The following SEMA6D variants were observed in gnomAD, a reference collection of about 807,000 sequenced individuals.
The protein encoded by SEMA6D is semaphorin-6D.
A neutral mutation model predicts 106.6 loss-of-function variants in SEMA6D; 35 were observed. The ratio of observed to expected loss-of-function variants is 0.33; its 90% CI spans 0.25 to 0.44. The LOEUF (loss-of-function observed/expected upper bound fraction) is 0.44, where lower values mean the gene tolerates loss of function less well. SEMA6D is among the 20% of genes least tolerant of loss of function. The probability of loss-of-function intolerance (pLI) is 1.00; values close to 1 mark genes in which losing one functional copy is unlikely to be tolerated. For synonymous variants in SEMA6D, 499 were observed against 487.7 expected, an observed-to-expected ratio of 1.02 and a Z score of -0.31; for missense variants, 1,185 against 1,345.9, an observed-to-expected ratio of 0.88 and a Z score of 1.87.
At chr15:47,245,809 C>A (rs1482125267) in intron 1 of SEMA6D, among the ~76,000 whole-genome samples, 1 of 151,788 alleles carries the variant, frequency 6.6e-6, no homozygotes, top group Non-Finnish European at 1.5e-5. Context: ...GGATTCTAAG[C>A]ATAAGAAATT....
intron 1 of SEMA6D, among the ~76,000 whole-genome samples, chr15:47,738,687 T>C (rs2080601842): frequency 6.6e-6 from 1 of 152,192 alleles, no homozygotes. Flanking sequence ...AAGCGAGTGC[T>C]GAGGGGATCC....
intron 4 of SEMA6D, among the ~76,000 whole-genome samples, chr15:47,708,005 G>T (rs1443658443): frequency 1.3e-5 from 2 of 152,142 alleles, no homozygotes; most frequent in South Asian, 4.1e-4. Context: ...GTCTTCTGGT[G>T]TATGTTTCCA....
chr15:47,352,008 T>C lies in SEMA6D; in HGVS notation c.-238-60385T>C, dbSNP rs371087592. Among the ~76,000 whole-genome samples the C allele has an allele frequency of 1.7e-3, 262 of 152,288 alleles. 2 individuals carry two copies. The highest frequency in any genetic ancestry group is 6.1e-3 in the African/African-American group (255 of 41,582). ...AGTAGATCTGAAAATAAATAAGAAC[T>C]GTCCTCTTGCTGAAGGAGTAAATGC... On this transcript the variant is annotated intron_variant, in intron 1 of 19. Coordinates refer to the SEMA6D transcript ENST00000558014.
chr15:47,704,191 G>T (rs1019804937), intron 4 of SEMA6D, among the ~76,000 whole-genome samples: 1 of 151,944 alleles, frequency 6.6e-6, no homozygotes, highest in Non-Finnish European at 1.5e-5. Context: ...TTAGTAAGTT[G>T]CCCAGGCTGG....
intron 1 of SEMA6D, chr15:47,274,463 C>T (rs1431187620): frequency 6.6e-6 from 1 of 152,054 alleles, no homozygotes; most frequent in African/African-American, 2.4e-5. Flanking sequence ...TCATGCTGTT[C>T]CTCCAGGGCA....
At chr15:47,666,443 C>A (rs1388420564) in intron 4 of SEMA6D, among the ~76,000 whole-genome samples, 1 of 152,114 alleles carries the variant, frequency 6.6e-6, no homozygotes, top group Non-Finnish European at 1.5e-5. Context: ...GCTTAGTCAC[C>A]AACTACTTGA....
At chr15:47,361,223 C>T (rs1397238405) in intron 1 of SEMA6D, among the ~76,000 whole-genome samples, 2 of 152,190 alleles carry the variant, frequency 1.3e-5, no homozygotes, top group African/African-American at 2.4e-5. Context: ...AGAAATCCCT[C>T]TCTTTTTCTG....
At chr15:47,451,163 A>G (rs1172100520) in intron 2 of SEMA6D, among the ~76,000 whole-genome samples, 2 of 152,054 alleles carry the variant, frequency 1.3e-5, no homozygotes, top group Non-Finnish European at 2.9e-5. Flanking sequence ...TTGTCCAGTG[A>G]AAGAAGGTGC....
intron 1 of SEMA6D, among the ~76,000 whole-genome samples, chr15:47,220,589 G>A (rs1463836639): frequency 2.0e-5 from 3 of 152,046 alleles, no homozygotes; most frequent in Non-Finnish European, 4.4e-5. Flanking sequence ...ATAATGAAAT[G>A]GACTCTTTCT....
intron 3 of SEMA6D, among the ~76,000 whole-genome samples, chr15:47,541,932 C>G (rs886406517): frequency 1.3e-5 from 2 of 152,112 alleles, no homozygotes; most frequent in Non-Finnish European, 2.9e-5. Flanking sequence ...GTTATTTCCC[C>G]ATTTGCAGCT....
intron 3 of SEMA6D, among the ~76,000 whole-genome samples, chr15:47,533,706 T>C (rs981470935): frequency 1.3e-5 from 2 of 152,072 alleles, no homozygotes; most frequent in African/African-American, 4.8e-5. Context: ...TATATTCTAC[T>C]TGTGAGAGGA....
At chr15:47,356,461 G>A (rs1219030697) in intron 1 of SEMA6D, among the ~76,000 whole-genome samples, 1 of 152,094 alleles carries the variant, frequency 6.6e-6, no homozygotes, top group Non-Finnish European at 1.5e-5. Flanking sequence ...AAGATTTTGA[G>A]TCTAGTGTTG....
chr15:47,578,024 T>C (rs890091721), intron 3 of SEMA6D, among the ~76,000 whole-genome samples: 1 of 152,246 alleles, frequency 6.6e-6, no homozygotes, highest in Non-Finnish European at 1.5e-5. Flanking sequence ...TTAAGCACTT[T>C]GGATGCATGA....
At chr15:47,248,816 T>C (rs1442324109) in intron 1 of SEMA6D, among the ~76,000 whole-genome samples, 1 of 152,198 alleles carries the variant, frequency 6.6e-6, no homozygotes, top group Non-Finnish European at 1.5e-5. Context: ...TCACTTCTCT[T>C]GGAGCATTTT....
chr15:47,662,259 G>T (rs1405638693), intron 4 of SEMA6D, among the ~76,000 whole-genome samples: 1 of 151,466 alleles, frequency 6.6e-6, no homozygotes, highest in Admixed American at 6.6e-5. Context: ...TTGGCAGTCA[G>T]AATACTGTGC....
chr15:47,195,873 A>C (rs1447333279), intron 1 of SEMA6D, among the ~76,000 whole-genome samples: 2 of 152,136 alleles, frequency 1.3e-5, no homozygotes, highest in Non-Finnish European at 2.9e-5. Context: ...GAGTAAGAGG[A>C]AAGGCTCACC....
chr15:47,684,024 T>G (rs2078417456), intron 4 of SEMA6D, among the ~76,000 whole-genome samples: 1 of 152,132 alleles, frequency 6.6e-6, no homozygotes, highest in African/African-American at 2.4e-5. Flanking sequence ...TGATATGGAG[T>G]CATCTTCAAG....
intron 1 of SEMA6D, among the ~76,000 whole-genome samples, chr15:47,219,132 T>C (rs1293214413): frequency 2.6e-5 from 4 of 152,198 alleles, no homozygotes; most frequent in Non-Finnish European, 4.4e-5. Flanking sequence ...GGTAGAGTAA[T>C]TTTTCAATGA....
chr15:47,345,528 C>G (rs1347335963), intron 1 of SEMA6D, among the ~76,000 whole-genome samples: 1 of 151,904 alleles, frequency 6.6e-6, no homozygotes, highest in African/African-American at 2.4e-5. Context: ...TTGATTTATA[C>G]CTCATAGCAT....
Sources: allele counts gnomAD v4.1 joint callset (sites outside exome capture counted in the v4.1 genomes callset), GRCh38; gene constraint gnomAD v4.1.1; transcripts MANE v1.5; gene names NCBI Gene and HGNC (gene_info 2026-07-23, HGNC 2026-07-21).